ZNF385D: variants seen among roughly 807,000 people sequenced by gnomAD.
The protein encoded by ZNF385D is zinc finger protein 385D.
ZNF385D carries 15 observed loss-of-function variants against 35.8 expected under a neutral mutation model. The observed-to-expected ratio is 0.42, with a 90% CI of 0.28 to 0.64. The LOEUF (loss-of-function observed/expected upper bound fraction) is 0.64. Ranked by LOEUF, ZNF385D falls within the 30% of genes least tolerant of loss-of-function variation. The probability of loss-of-function intolerance (pLI) is 0.23; values close to 1 mark genes in which losing one functional copy is unlikely to be tolerated. For missense variants in ZNF385D, 474 were observed against 494.6 expected (o/e 0.96, Z 0.39); for synonymous variants, 212 against 186.8 (o/e 1.13, Z -1.10).
At chr3:21,430,547 A>T (rs1701248640) in intron 5 of ZNF385D, among the ~76,000 whole-genome samples, 1 of 152,110 alleles carries the variant, frequency 6.6e-6, no homozygotes, top group Non-Finnish European at 1.5e-5. Flanking sequence ...GATAGTGGAG[A>T]CAAATGTGAG....
chr3:21,700,439 A>T (rs1016593865), intron 1 of ZNF385D, among the ~76,000 whole-genome samples: 1 of 152,240 alleles, frequency 6.6e-6, no homozygotes, highest in East Asian at 1.9e-4. Flanking sequence ...GGACTTATAT[A>T]GATAAGCATT....
At chr3:21,999,195 C>T (rs1190897184) in intron 3 of ZNF385D, among the ~76,000 whole-genome samples, 1 of 152,094 alleles carries the variant, frequency 6.6e-6, no homozygotes, top group Non-Finnish European at 1.5e-5. Flanking sequence ...AAGCTAAGGG[C>T]ATTACACTGC....
At position 22,203,212 on chromosome 3, in the gene ZNF385D, A is replaced by G. The variant is rs1027549940; in HGVS notation, c.107-34177T>C. On this transcript the variant is annotated intron_variant, in intron 2 of 5. Coordinates refer to the ZNF385D transcript ENST00000494108. ...TGGACACCAGCTTAGCCACAACAGG[A>G]TAGGGCAATGGGCAGAGATGCGAGG... is the stretch of plus-strand genomic sequence containing the variant. Among the ~76,000 whole-genome samples, 5 of 152,080 alleles carry G rather than the reference A, an allele frequency of 3.3e-5. No individual in the cohort carries two copies. The East Asian group carries it at 9.7e-4, about 29-fold the overall frequency.
At chr3:22,244,534 T>C (rs905248406) in intron 2 of ZNF385D, among the ~76,000 whole-genome samples, 2 of 151,008 alleles carry the variant, frequency 1.3e-5, no homozygotes, top group Non-Finnish European at 2.9e-5. Flanking sequence ...TGAATTGGTA[T>C]GATCAAATCC....
At chr3:21,438,966 A>C (rs17008731) in intron 4 of ZNF385D, among the ~76,000 whole-genome samples, 3,948 of 152,148 alleles carry the variant, frequency 0.026, 96 homozygotes, top group South Asian at 0.076. Context: ...GATGGAATAA[A>C]ACATGACAAC....
In ZNF385D at chr3:21,724,142, C is replaced by A. The variant is rs1395797045; in HGVS notation, c.22+26753G>T. ...CACCAGGCCTGCCTTAAAAGAGCTC[C>A]TGAAGGAAGCACTACACATAGAAAG... On this transcript the variant is annotated intron_variant, in intron 1 of 7. Coordinates refer to ENST00000281523, the MANE Select transcript of ZNF385D (RefSeq NM_024697.3). Among the ~76,000 whole-genome samples, 3 of 152,054 alleles carry A rather than the reference C, an allele frequency of 2.0e-5. No individual in the cohort carries two copies. In the South Asian group the frequency reaches 6.2e-4, roughly 32 times the overall value.
At chr3:21,797,734 A>C (rs540259980) in intron 3 of ZNF385D, among the ~76,000 whole-genome samples, 55 of 152,200 alleles carry the variant, frequency 3.6e-4, no homozygotes, top group Non-Finnish European at 6.8e-4. Context: ...TTATCAAGTG[A>C]AACGAGCAAA....
intron 3 of ZNF385D, among the ~76,000 whole-genome samples, chr3:22,099,270 T>G (rs921549917): frequency 1.3e-5 from 2 of 152,078 alleles, no homozygotes; most frequent in Non-Finnish European, 2.9e-5. Context: ...TATAAATACA[T>G]CTATATGTAC....
rs565212488 is a variant in ZNF385D at position 21,538,252 on chromosome 3, T to C, written c.276+26322A>G. Among the ~76,000 whole-genome samples the C allele has an allele frequency of 4.6e-5, 7 of 151,994 alleles. No homozygotes were observed. The East Asian group carries it at 1.4e-3, about 29-fold the overall frequency. ...AGCAGGCAAATATCTGAGTATGGAG[T>C]TGAGGGAGAGAATCAGCTGGAGATA... On this transcript the variant is annotated intron_variant, in intron 3 of 7. Transcript: ENST00000281523.
intron 3 of ZNF385D, among the ~76,000 whole-genome samples, chr3:21,762,905 G>A (rs756592375): frequency 1.3e-5 from 2 of 152,110 alleles, no homozygotes; most frequent in Non-Finnish European, 1.5e-5. Context: ...TTGGTTCTAC[G>A]TCACAGCTCA....
intron 2 of ZNF385D, among the ~76,000 whole-genome samples, chr3:21,625,380 C>G (rs910553623): frequency 6.6e-5 from 10 of 152,036 alleles, no homozygotes; most frequent in African/African-American, 2.4e-4. Context: ...GTGGAAAGTT[C>G]CTAAACCAGC....
At chr3:21,907,720 C>A (rs1699751836) in intron 3 of ZNF385D, among the ~76,000 whole-genome samples, 1 of 152,014 alleles carries the variant, frequency 6.6e-6, no homozygotes, top group African/African-American at 2.4e-5. Context: ...CATCAATATT[C>A]AGTATTATTA....
intron 2 of ZNF385D, among the ~76,000 whole-genome samples, chr3:22,200,970 A>G (rs180893116): frequency 3.9e-5 from 6 of 152,212 alleles, no homozygotes; most frequent in Admixed American, 3.3e-4. Flanking sequence ...CATATTGTTC[A>G]AACACACATG....
At chr3:21,633,148 G>A (rs1219955745) in intron 2 of ZNF385D, among the ~76,000 whole-genome samples, 1 of 151,978 alleles carries the variant, frequency 6.6e-6, no homozygotes, top group African/African-American at 2.4e-5. Context: ...AGAAAGAAAA[G>A]GAATATGTGT....
intron 2 of ZNF385D, among the ~76,000 whole-genome samples, chr3:22,326,468 G>T (rs1026669235): frequency 1.3e-5 from 2 of 152,086 alleles, no homozygotes; most frequent in African/African-American, 2.4e-5. Flanking sequence ...CTGTTATTTC[G>T]CATGCCTTGA....
chr3:22,315,010 T>G (rs1703807065), intron 2 of ZNF385D, among the ~76,000 whole-genome samples: 1 of 152,150 alleles, frequency 6.6e-6, no homozygotes, highest in East Asian at 1.9e-4. Context: ...CACCCATGTT[T>G]ATGCAAAGCA....
intron 1 of ZNF385D, among the ~76,000 whole-genome samples, chr3:21,740,060 G>A (rs936455513): frequency 1.3e-5 from 2 of 152,120 alleles, no homozygotes; most frequent in African/African-American, 4.8e-5. Context: ...GTTCATCCCA[G>A]TACACATGAA....
At chr3:22,145,099 G>A (rs1346095292) in intron 3 of ZNF385D, among the ~76,000 whole-genome samples, 1 of 151,764 alleles carries the variant, frequency 6.6e-6, no homozygotes, top group East Asian at 1.9e-4. Context: ...AATGTCCTAT[G>A]TACATACACA....
chr3:22,345,110 T>C (rs2125486122), intron 2 of ZNF385D, among the ~76,000 whole-genome samples: 1 of 152,290 alleles, frequency 6.6e-6, no homozygotes, highest in South Asian at 2.1e-4. Context: ...ATTCAACAGG[T>C]GCTATGTGAT....
Sources: allele counts gnomAD v4.1 joint callset (sites outside exome capture counted in the v4.1 genomes callset), GRCh38; gene constraint gnomAD v4.1.1; transcripts MANE v1.5; gene names NCBI Gene and HGNC (gene_info 2026-07-23, HGNC 2026-07-21).